The following AKAP12 variants were observed in gnomAD, a reference collection of about 807,000 sequenced individuals.
AKAP12 encodes the protein A-kinase anchoring protein 12.
AKAP12 carries 32 observed loss-of-function variants against 79.9 expected under a neutral mutation model. The observed-to-expected ratio is 0.40, with a 90% CI of 0.30 to 0.54. The LOEUF (loss-of-function observed/expected upper bound fraction) is 0.54. Ranked by LOEUF, AKAP12 falls within the 20% of genes least tolerant of loss-of-function variation. The pLI, the probability that AKAP12 is intolerant of heterozygous loss-of-function variation, is 0.48. For missense variants in AKAP12, 2,074 were observed against 2,177.0 expected, an observed-to-expected ratio of 0.95 and a Z score of 0.94; for synonymous variants, 808 against 857.0, an observed-to-expected ratio of 0.94 and a Z score of 1.00.
At chr6:151,311,985 T>C (rs901546650) in intron 3 of AKAP12, among the ~76,000 whole-genome samples, 2 of 152,250 alleles carry the variant, frequency 1.3e-5, no homozygotes, top group Non-Finnish European at 2.9e-5. Context: ...GGCTGCTTTC[T>C]CTGCCCAGAA....
intron 3 of AKAP12, chr6:151,323,768 C>T (rs1159401125): frequency 2.0e-6 from 2 of 985,316 alleles, no homozygotes; most frequent in Non-Finnish European, 2.4e-6. Context: ...AGAATTTGGA[C>T]TGATAGAAAG....
intron 2 of AKAP12, among the ~76,000 whole-genome samples, chr6:151,296,932 T>C (rs1292411817): frequency 6.6e-6 from 1 of 152,146 alleles, no homozygotes; most frequent in Non-Finnish European, 1.5e-5. Context: ...CATTTCTGCA[T>C]TTAGCCTCCG....
At chr6:151,341,325 A>G (rs747658014) in intron 3 of AKAP12, among the ~76,000 whole-genome samples, 90 of 152,196 alleles carry the variant, frequency 5.9e-4, no homozygotes, top group Non-Finnish European at 9.6e-4. Context: ...AAGTGCTGGG[A>G]TTACAGGCGT....
Position 151,351,464 on chromosome 6 carries a change from G to A in AKAP12, c.3073G>A (p.Val1025Met), listed in dbSNP as rs1405985034. The A allele has an allele frequency of 1.2e-6, 2 of 1,614,114 alleles. No individual in the cohort carries two copies. Among genetic ancestry groups the A allele is most frequent in the African/African-American group, 2.7e-5 (2 of 74,960 alleles). Residue 1025 changes from valine (V) to methionine (M), a missense_variant, in exon 4 of 5, where the codon GTG becomes ATG. This residue lies in a region of AKAP12 where 1,428 missense variants were observed against 1,451.0 expected (regional missense o/e 0.98). Transcript: ENST00000402676. The surrounding 1 kb of genome is among the most constrained non-coding windows in gnomAD (Gnocchi z 4.4). ...TTEEATPVQE[V>M]EGGVPDIEEQ... ...AGAGGAGGCCACTCCGGTGCAGGAG[G>A]TGGAAGGTGGCGTACCTGACATAGA...
rs1160984264 is a variant in AKAP12 at position 151,349,102 on chromosome 6, G to A, written c.711G>A (p.Glu237=). 1.2e-6 allele frequency: 2 copies of A among 1,612,258 alleles called. No individual in the cohort carries two copies. The highest frequency in any genetic ancestry group is 2.2e-5 in the East Asian group (1 of 44,860). Reference sequence around the variant, plus strand: ...AAAGCGAACCCAAACAATCTACAGAGAAACCCGAAGAGACCCTGAAGCGTG... The same window carrying A: ...AAAGCGAACCCAAACAATCTACAGAAAAACCCGAAGAGACCCTGAAGCGTG... ...SKESEPKQST[E]KPEETLKREQ... is the part of the protein sequence containing the mutation. The change falls in exon 4 of 5, where the codon GAG becomes GAA. Residue 237 remains glutamate (E), a synonymous_variant. Coordinates refer to ENST00000402676, the MANE Select transcript of AKAP12 (RefSeq NM_005100.4).
chr6:151,318,462 A>C (rs1228808782), intron 3 of AKAP12, among the ~76,000 whole-genome samples: 1 of 152,130 alleles, frequency 6.6e-6, no homozygotes, highest in Non-Finnish European at 1.5e-5. Context: ...ATTCTTTGTC[A>C]GTGTTATCTT....
At chr6:151,338,826 A>G (rs1006823269) in intron 3 of AKAP12, among the ~76,000 whole-genome samples, 4 of 152,212 alleles carry the variant, frequency 2.6e-5, no homozygotes, top group African/African-American at 4.8e-5. Context: ...CGCGGTGTCC[A>G]TCTGTCCCTT....
At chr6:151,301,393 A>G (rs1007448421) in intron 2 of AKAP12, among the ~76,000 whole-genome samples, 1 of 152,222 alleles carries the variant, frequency 6.6e-6, no homozygotes, top group Admixed American at 6.5e-5. Context: ...GTATATATAC[A>G]CACGTAGAAA....
rs375558201 is a variant in AKAP12, at chr6:151,265,435, T to G, written c.162+24711T>G. 2.6e-5 allele frequency among the ~76,000 whole-genome samples: 4 copies of G among 152,218 alleles called. No individual in the cohort carries two copies. The South Asian group carries it at 8.3e-4, about 31-fold the overall frequency. The stretch of plus-strand genomic sequence containing the variant: ...TTGCAGGAATTCAGCTAGCCCATTC[T>G]AAAAATGGTCCAAAAATCAGAATGT... On this transcript the variant is annotated intron_variant, in intron 2 of 4. Transcript: ENST00000402676.
In AKAP12 at chr6:151,283,134, T is replaced by A. The variant is rs970689287; in HGVS notation, c.163-22613T>A. 1.8e-4 allele frequency among the ~76,000 whole-genome samples: 28 copies of A among 152,284 alleles called. 1 individual carries two copies. The highest frequency in any genetic ancestry group is 5.2e-4 in the Admixed American group (8 of 15,302). ...TTTAATGACGGTGAGGAGGCACACT[T>A]TAGGAACTAAAGGAGACCAGCATGA... On this transcript the variant is annotated intron_variant, in intron 2 of 4. Coordinates refer to ENST00000402676, the MANE Select transcript of AKAP12 (RefSeq NM_005100.4).
rs1778481762 is a variant in AKAP12 at position 151,357,887 on chromosome 6, A to G, written c.*2173A>G. The G allele has an allele frequency of 6.6e-6, 1 of 152,046 alleles. No homozygotes were observed. Among genetic ancestry groups the G allele is most frequent in the African/African-American group, 2.4e-5 (1 of 41,400 alleles). The allele number at this position is 152,046 out of a possible 1,614,324, so 9.4% of individuals were successfully genotyped here. On this transcript the variant is annotated 3_prime_UTR_variant, in exon 5 of 5. Coordinates refer to ENST00000402676, the MANE Select transcript of AKAP12 (RefSeq NM_005100.4). ...TTTTGAACAGATTAAAGATTTGTGTAGTTTGTGGGAAATTGACGTTTTTGT... is the reference window on the plus strand; with the variant it reads ...TTTTGAACAGATTAAAGATTTGTGTGGTTTGTGGGAAATTGACGTTTTTGT...
intron 2 of AKAP12, among the ~76,000 whole-genome samples, chr6:151,261,472 A>T (rs1298294667): frequency 6.6e-6 from 1 of 151,918 alleles, no homozygotes; most frequent in Non-Finnish European, 1.5e-5. Flanking sequence ...GGGTGGATCA[A>T]CTGAGGTCGG....
chr6:151,306,048 C>A, intron 3 of AKAP12, 145 bp downstream of exon 3: 1 of 888,428 alleles, frequency 1.1e-6, no homozygotes, highest in Non-Finnish European at 1.7e-6. Context: ...AAGTATTTAT[C>A]TGACCATTTG....
chr6:151,341,838 CCT>C lies in AKAP12; in HGVS notation c.320-6868_320-6867del, dbSNP rs1174543775. 1.0e-5 allele frequency: 13 copies of C among 1,267,396 alleles called. No homozygotes were observed. The African/African-American group carries it at 2.0e-4, about 19-fold the overall frequency. 78.5% of individuals were successfully genotyped at this position (1,267,396 alleles called of 1,614,324 possible). A position where few individuals can be genotyped will look rare whatever the true frequency, so the allele number is the denominator to read the frequency against. On this transcript the variant is annotated intron_variant, in intron 3 of 4. Coordinates refer to ENST00000402676, the MANE Select transcript of AKAP12 (RefSeq NM_005100.4). ...CCTTCCCGTCCCAGGCTTGGGAAAG[CCT>C]CTCTACTGGCCAAGGCGCGCAGGGA...
chr6:151,323,495 A>G (rs1007910576), intron 3 of AKAP12, among the ~76,000 whole-genome samples: 1 of 151,760 alleles, frequency 6.6e-6, no homozygotes. Flanking sequence ...AGAGGTTGCA[A>G]TGAGCCGAGA....
intron 2 of AKAP12, among the ~76,000 whole-genome samples, chr6:151,250,701 G>T (rs1797157296): frequency 1.3e-5 from 2 of 150,974 alleles, no homozygotes; most frequent in African/African-American, 4.9e-5. Context: ...CGCCTCCCGG[G>T]TTCACGCCAT....
intron 2 of AKAP12, among the ~76,000 whole-genome samples, chr6:151,268,958 T>TTG (rs1776117129): frequency 2.4e-5 from 3 of 125,902 alleles, no homozygotes; most frequent in East Asian, 2.1e-4. Context: ...TTTTTTTTTT[T>TTG]TTTTTTTTTT....
At chr6:151,316,126 C>G (rs1777227408) in intron 3 of AKAP12, among the ~76,000 whole-genome samples, 1 of 152,222 alleles carries the variant, frequency 6.6e-6, no homozygotes, top group South Asian at 2.1e-4. Context: ...GCTTAAAATT[C>G]AACAACTGTT....
At chr6:151,299,225 G>A (rs1402174873) in intron 2 of AKAP12, among the ~76,000 whole-genome samples, 1 of 152,188 alleles carries the variant, frequency 6.6e-6, no homozygotes, top group Non-Finnish European at 1.5e-5. Context: ...TATAAACAGA[G>A]GAGTTAAAGC....
Sources: allele counts gnomAD v4.1 joint callset (sites outside exome capture counted in the v4.1 genomes callset), GRCh38; gene constraint gnomAD v4.1.1; regional missense constraint gnomAD v4.1.1; non-coding constraint Gnocchi (gnomAD v3.1); transcripts MANE v1.5; gene names NCBI Gene and HGNC (gene_info 2026-07-23, HGNC 2026-07-21).